DHRS4L2: variants seen among roughly 807,000 people sequenced by gnomAD.
DHRS4L2 encodes the protein dehydrogenase/reductase 4 like 2.
A neutral mutation model predicts 23.9 loss-of-function variants in DHRS4L2; 22 were observed. That is an observed-to-expected ratio of 0.92 (90% confidence interval 0.66 to 1.31). DHRS4L2 has a LOEUF of 1.31. DHRS4L2 is among the 40% of genes most tolerant of loss of function. DHRS4L2 has a pLI of 0.00. For missense variants in DHRS4L2, 385 were observed against 303.3 expected (o/e 1.27, Z -2.00); for synonymous variants, 141 against 123.7 (o/e 1.14, Z -0.93).
chr14:24,000,969 A>T, intron 4 of DHRS4L2, 36 bp downstream of exon 4: 1 of 1,611,264 alleles, frequency 6.2e-7, no homozygotes, highest in South Asian at 1.1e-5. Context: ...GTGAGAGGGG[A>T]CCCCACACAG....
At chr14:23,979,211 G>A (rs2034019646) in intron 1 of DHRS4L2, among the ~76,000 whole-genome samples, 1 of 149,082 alleles carries the variant, frequency 6.7e-6, no homozygotes, top group South Asian at 2.2e-4. Context: ...ATTACATAAT[G>A]GTAAAGGGAT....
chr14:23,977,430 C>G (rs1053840189), intron 1 of DHRS4L2, among the ~76,000 whole-genome samples: 3 of 151,772 alleles, frequency 2.0e-5, no homozygotes, highest in African/African-American at 7.3e-5. Flanking sequence ...AAGTGTGTTA[C>G]CATTTTATCA....
At chr14:23,996,296 A>G (rs1196457142) in intron 3 of DHRS4L2, among the ~76,000 whole-genome samples, 5 of 151,588 alleles carry the variant, frequency 3.3e-5, no homozygotes, top group African/African-American at 1.2e-4. Context: ...ATCAGGTGTC[A>G]TCAAAATTTC....
rs149838030 is a variant in DHRS4L2, at chr14:23,991,458, C to G, written c.306+1099C>G. Among the ~76,000 whole-genome samples, 1,295 of 151,780 alleles carry G rather than the reference C, an allele frequency of 8.5e-3. 30 individuals are homozygous for G. Among genetic ancestry groups the G allele is most frequent in the South Asian group, 0.014 (68 of 4,786 alleles). The stretch of plus-strand genomic sequence containing the variant: ...GTAAGTAGCAATGTAATGTGAAAAT[C>G]CTCCTAGAAAAACAACCTGTGCCCC... On this transcript the variant is annotated intron_variant, in intron 2 of 7. Transcript: ENST00000335125.
upstream of DHRS4L2, among the ~76,000 whole-genome samples, chr14:23,988,071 AATC>A (rs1163365600): frequency 2.0e-5 from 3 of 151,632 alleles, no homozygotes; most frequent in African/African-American, 7.2e-5. Context: ...CACCAATAAT[AATC>A]ACTACATGGT....
rs766755863 is a variant in DHRS4L2, at chr14:23,994,874, C to T, written c.307-158C>T. Among the ~76,000 whole-genome samples the T allele has an allele frequency of 4.6e-5, 7 of 151,564 alleles. 1 individual carries two copies. The highest frequency in any genetic ancestry group is 7.4e-5 in the Non-Finnish European group (5 of 67,858). ...GCATGGCCCAGGCTTCTCTCAAATT[C>T]CTCAGCTCAAGTGAGCCTCCCACCT... On this transcript the variant is annotated intron_variant, in intron 2 of 7. Coordinates refer to ENST00000335125, the MANE Select transcript of DHRS4L2 (RefSeq NM_198083.4).
rs555300247 is a variant in DHRS4L2, at chr14:23,997,708, G to A, written c.408+2575G>A. On this transcript the variant is annotated intron_variant, in intron 3 of 7. Transcript: ENST00000335125. ...CAATTCAGTCCTATCTTCCAGCTCC[G>A]CTTCTAGTTCTCTTGCTATTTCCAC... Among the ~76,000 whole-genome samples, 34 of 149,312 alleles carry A rather than the reference G, an allele frequency of 2.3e-4. No individual in the cohort carries two copies. In the South Asian group the frequency reaches 2.5e-3, roughly 11 times the overall value.
At chr14:23,987,616 A>G (rs1158076352), upstream of DHRS4L2, among the ~76,000 whole-genome samples, 1 of 151,668 alleles carries the variant, frequency 6.6e-6, no homozygotes, top group Admixed American at 6.6e-5. Context: ...ACACATCTCT[A>G]AACCTACCCA....
At chr14:23,994,141 T>C (rs1007254052) in intron 2 of DHRS4L2, among the ~76,000 whole-genome samples, 3 of 151,814 alleles carry the variant, frequency 2.0e-5, no homozygotes, top group Non-Finnish European at 4.4e-5. Flanking sequence ...CAGCTCTATT[T>C]AAGCCAGTTT....
intron 2 of DHRS4L2, among the ~76,000 whole-genome samples, chr14:23,991,415 G>C (rs1312312285): frequency 6.6e-6 from 1 of 151,760 alleles, no homozygotes; most frequent in Non-Finnish European, 1.5e-5. Context: ...GGATCAATTA[G>C]CACTAACCAT....
intron 1 of DHRS4L2, among the ~76,000 whole-genome samples, chr14:23,976,074 A>T (rs1369435122): frequency 6.6e-6 from 1 of 151,460 alleles, no homozygotes; most frequent in Non-Finnish European, 1.5e-5. Context: ...AAAACACCAA[A>T]AGTAATGGCA....
At chr14:23,975,287 A>G (rs527965208) in intron 1 of DHRS4L2, among the ~76,000 whole-genome samples, 1 of 151,760 alleles carries the variant, frequency 6.6e-6, no homozygotes, top group East Asian at 1.9e-4. Context: ...CTATATGCAA[A>G]TAATAGACAG....
chr14:24,005,857 C>T lies in DHRS4L2; in HGVS notation c.*23-29C>T, dbSNP rs758279004. The T allele has an allele frequency of 5.2e-5, 84 of 1,605,864 alleles. 1 individual carries two copies. Among genetic ancestry groups the T allele is most frequent in the Non-Finnish European group, 7.0e-5 (82 of 1,176,346 alleles). ...GGGAGGCAGACCCGTTTGATTTTTA[C>T]CTCCTTCCTTGCTTCCCTTATTCCC... On this transcript the variant is annotated intron_variant, in intron 7 of 7. Transcript: ENST00000335125.
chr14:23,977,523 G>A lies in DHRS4L2; in HGVS notation c.-176+7191G>A, dbSNP rs529461554. Among the ~76,000 whole-genome samples, 142 of 149,176 alleles carry A rather than the reference G, an allele frequency of 9.5e-4. 1 individual carries two copies. Among genetic ancestry groups the A allele is most frequent in the African/African-American group, 3.4e-3 (133 of 38,860 alleles). ...AGAGCAGCAGGTAAATTCACTTTACGGGGAAAAATTCATCAAAACTGCTTA... is the reference window on the plus strand; with the variant it reads ...AGAGCAGCAGGTAAATTCACTTTACAGGGAAAAATTCATCAAAACTGCTTA... On this transcript the variant is annotated intron_variant, in intron 1 of 5. Coordinates refer to the DHRS4L2 transcript ENST00000534993.
chr14:23,988,852 G>A (rs561357892), upstream of DHRS4L2: 1 of 1,495,568 alleles, frequency 6.7e-7, no homozygotes, highest in African/African-American at 1.4e-5. Flanking sequence ...CGGGAAGGGG[G>A]CAGGCAGGGA....
chr14:23,986,662 C>G (rs1481590799), upstream of DHRS4L2, among the ~76,000 whole-genome samples: 1 of 151,570 alleles, frequency 6.6e-6, no homozygotes, highest in East Asian at 1.9e-4. Context: ...GTGTGGTCTT[C>G]CTCACTTTCC....
chr14:23,995,271 C>CCT, intron 3 of DHRS4L2, 138 bp downstream of exon 3: 1 of 1,013,180 alleles, frequency 9.9e-7, no homozygotes. Context: ...CTGGAGCACA[C>CCT]CTTGCAAAGG....
intron 2 of DHRS4L2, 43 bp from the exon 3 acceptor site, chr14:23,994,989 T>C: frequency 6.2e-7 from 1 of 1,608,138 alleles, no homozygotes; most frequent in Non-Finnish European, 8.5e-7. Flanking sequence ...TGCACCTCCC[T>C]TACTTACTGC....
chr14:23,996,467 C>G (rs1040793863), intron 3 of DHRS4L2, among the ~76,000 whole-genome samples: 38 of 150,954 alleles, frequency 2.5e-4, no homozygotes, highest in Middle Eastern at 3.4e-3. Flanking sequence ...GACCTTTTCT[C>G]TATATTAAAA....
Sources: allele counts gnomAD v4.1 joint callset (sites outside exome capture counted in the v4.1 genomes callset), GRCh38; gene constraint gnomAD v4.1.1; transcripts MANE v1.5; gene names NCBI Gene and HGNC (gene_info 2026-07-23, HGNC 2026-07-21).